Variants in LAMB4 observed in about 807,000 individuals in gnomAD.
LAMB4 encodes laminin subunit beta-4.
In LAMB4, 196 loss-of-function variants were observed where a neutral mutation model predicts 199.2. The ratio of observed to expected loss-of-function variants is 0.98; its 90% CI spans 0.88 to 1.11. LAMB4 has a LOEUF of 1.11. Among genes scored for constraint, LAMB4 ranks in the 50% least tolerant of loss-of-function variants. LAMB4 has a pLI of 0.00. For synonymous variants in LAMB4, 744 were observed against 770.6 expected (o/e 0.97, Z 0.57); for missense variants, 2,080 against 2,171.2 (o/e 0.96, Z 0.83).
In LAMB4 at chr7:108,037,453, A is replaced by G. The variant is rs892085287; in HGVS notation, c.4614T>C (p.Asp1538=). ...CTGCTTCTTCATTTAACCTGTTTTC[A>G]TCTGTCCTGTAATCCTCACAGAGTT... The part of the protein sequence containing the change: ...HMQLCEDYRT[D]ENRLNEEADG... The change falls in exon 30 of 34, where the codon GAT becomes GAC. Residue 1538 remains aspartate, a synonymous_variant. Transcript: ENST00000388781. 2.5e-6 allele frequency: 4 copies of G among 1,614,140 alleles called. No homozygotes were observed. Among genetic ancestry groups the G allele is most frequent in the Non-Finnish European group, 3.4e-6 (4 of 1,180,018 alleles).
intron 17 of LAMB4, among the ~76,000 whole-genome samples, chr7:108,074,565 C>T (rs1030608576): frequency 6.6e-6 from 1 of 152,006 alleles, no homozygotes; most frequent in Admixed American, 6.6e-5. Context: ...GACGGGGTTT[C>T]GCCATGTTGC....
intron 17 of LAMB4, 111 bp downstream of exon 17, chr7:108,076,833 T>C (rs1212286270): frequency 1.6e-6 from 2 of 1,248,316 alleles, no homozygotes; most frequent in Non-Finnish European, 2.2e-6. Context: ...GCTTTTATAA[T>C]TGAGCAAATA....
chr7:108,050,106 G>A (rs953534991), intron 26 of LAMB4, among the ~76,000 whole-genome samples: 1 of 152,146 alleles, frequency 6.6e-6, no homozygotes, highest in African/African-American at 2.4e-5. Flanking sequence ...GCAGCTACAG[G>A]CAGTATGTAA....
the LAMB4 span, among the ~76,000 whole-genome samples, chr7:108,014,667 G>A: frequency 2.6e-5 from 4 of 151,742 alleles, no homozygotes; most frequent in African/African-American, 9.7e-5. Flanking sequence ...TATGATTGCT[G>A]TATAGAATGT....
intron 2 of LAMB4, among the ~76,000 whole-genome samples, chr7:108,120,181 T>C (rs1427102754): frequency 6.6e-6 from 1 of 152,222 alleles, no homozygotes; most frequent in East Asian, 1.9e-4. Context: ...TTTTCAGTTT[T>C]CTCCATTTAA....
the LAMB4 span, among the ~76,000 whole-genome samples, chr7:108,018,178 C>A: frequency 6.6e-6 from 1 of 152,246 alleles, no homozygotes; most frequent in East Asian, 1.9e-4. Context: ...CAAGTTTAAG[C>A]TGGTTGTTAG....
chr7:108,125,428 G>C (rs2038744630), intron 1 of LAMB4, among the ~76,000 whole-genome samples: 1 of 152,124 alleles, frequency 6.6e-6, no homozygotes, highest in African/African-American at 2.4e-5. Flanking sequence ...AATAAGAATG[G>C]GCATTATTAG....
At chr7:108,054,544 T>C (rs2035920670) in intron 25 of LAMB4, among the ~76,000 whole-genome samples, 1 of 152,172 alleles carries the variant, frequency 6.6e-6, no homozygotes, top group Non-Finnish European at 1.5e-5. Flanking sequence ...GATATTTTGC[T>C]AGATAAGCAC....
intron 12 of LAMB4, among the ~76,000 whole-genome samples, chr7:108,093,698 C>A (rs1300944351): frequency 6.6e-6 from 1 of 152,152 alleles, no homozygotes; most frequent in African/African-American, 2.4e-5. Flanking sequence ...AAAAAAAATT[C>A]TCCTCCCACA....
intron 21 of LAMB4, 44 bp from the exon 22 acceptor site, chr7:108,064,029 G>T: frequency 7.2e-7 from 1 of 1,392,004 alleles, no homozygotes; most frequent in Non-Finnish European, 1.0e-6. Flanking sequence ...AGGTATCAGT[G>T]TTGGGAGAGA....
At chr7:108,046,093 G>T (rs2035610476) in intron 28 of LAMB4, among the ~76,000 whole-genome samples, 1 of 151,738 alleles carries the variant, frequency 6.6e-6, no homozygotes, top group Non-Finnish European at 1.5e-5. Context: ...TTTAAACGAG[G>T]TCTCACTGTT....
chr7:108,065,281 T>C (rs1383672782), intron 21 of LAMB4, among the ~76,000 whole-genome samples: 2 of 152,104 alleles, frequency 1.3e-5, no homozygotes, highest in East Asian at 1.9e-4. Context: ...TTAAGACTTA[T>C]GTGATGGCTG....
At position 108,069,691 on chromosome 7, in the gene LAMB4, A is replaced by T. The variant is rs2036464847; in HGVS notation, c.2302+17T>A. The T allele has an allele frequency of 3.1e-6, 5 of 1,610,250 alleles. No individual in the cohort carries two copies. Among genetic ancestry groups the T allele is most frequent in the Non-Finnish European group, 3.4e-6 (4 of 1,177,424 alleles). On this transcript the variant is annotated intron_variant, in intron 18 of 33. Coordinates refer to ENST00000388781, the MANE Select transcript of LAMB4 (RefSeq NM_007356.3). ...GGATGTCAGTGCCTCAGTAGAGCCC[A>T]TTAAACAGATACTTACCCACAGCCC...
intron 31 of LAMB4, among the ~76,000 whole-genome samples, chr7:108,033,463 T>C (rs1026848012): frequency 3.4e-4 from 52 of 152,314 alleles, no homozygotes; most frequent in Admixed American, 3.3e-3. Flanking sequence ...TAGACTGGAG[T>C]GCAGTGGCAC....
At chr7:108,039,532 G>A (rs893790938) in intron 29 of LAMB4, among the ~76,000 whole-genome samples, 2 of 148,890 alleles carry the variant, frequency 1.3e-5, no homozygotes, top group African/African-American at 5.0e-5. Flanking sequence ...GCAGTGGTGC[G>A]ATCTCGGCTC....
chr7:108,047,198 C>T (rs762966312), intron 28 of LAMB4, among the ~76,000 whole-genome samples: 5 of 152,142 alleles, frequency 3.3e-5, no homozygotes, highest in South Asian at 2.1e-4. Context: ...TACACACACA[C>T]GTACACACTT....
At chr7:108,066,219 G>A (rs2036334968) in intron 20 of LAMB4, 150 bp downstream of exon 20, 2 of 657,008 alleles carry the variant, frequency 3.0e-6, no homozygotes, top group African/African-American at 3.6e-5. Flanking sequence ...AGATGATTTT[G>A]AAGGGTGAGA....
rs373331992 is a variant in LAMB4, at chr7:108,037,395, C to T, written c.4672G>A (p.Ala1558Thr). ...TATTAATACAGTACTTACTCAGCTGCTTTGGCCTTCACCAAAAGCTTTTGG... is the reference window on the plus strand; with the variant it reads ...TATTAATACAGTACTTACTCAGCTGTTTTGGCCTTCACCAAAAGCTTTTGG... Reference protein sequence around the residue: ...GAQKLLVKAKAAEKAANILLN... With the variant: ...GAQKLLVKAKTAEKAANILLN... Residue 1558 changes from alanine to threonine, a missense_variant, in exon 30 of 34, where the codon GCA (alanine) becomes ACA (threonine). Ala to Thr is a moderately conservative substitution (Grantham distance 58, BLOSUM62 0). Transcript: ENST00000388781. The T allele has an allele frequency of 8.7e-5, 140 of 1,612,868 alleles. No individual in the cohort carries two copies. Among genetic ancestry groups the T allele is most frequent in the Non-Finnish European group, 1.0e-4 (122 of 1,178,988 alleles).
At chr7:108,043,187 C>T (rs1407672440) in intron 29 of LAMB4, among the ~76,000 whole-genome samples, 5 of 151,294 alleles carry the variant, frequency 3.3e-5, no homozygotes, top group Middle Eastern at 3.2e-3. Flanking sequence ...TTTTAGATGC[C>T]AACTCCCTAT....
Sources: allele counts gnomAD v4.1 joint callset (sites outside exome capture counted in the v4.1 genomes callset), GRCh38; gene constraint gnomAD v4.1.1; transcripts MANE v1.5; gene names NCBI Gene and HGNC (gene_info 2026-07-23, HGNC 2026-07-21).